IGDCC3: variants seen among roughly 807,000 people sequenced by gnomAD.
The protein encoded by IGDCC3 is immunoglobulin superfamily DCC subclass member 3, also known as putative neuronal cell adhesion molecule.
A neutral mutation model predicts 72.0 loss-of-function variants in IGDCC3; 47 were observed. That is an observed-to-expected ratio of 0.65 (90% CI 0.52 to 0.83). IGDCC3 has a LOEUF of 0.83. Ranked by LOEUF, IGDCC3 falls within the 40% of genes least tolerant of loss-of-function variation. The pLI is 0.00. For synonymous variants in IGDCC3, 477 were observed against 472.8 expected, an observed-to-expected ratio of 1.01 and a Z score of -0.11; for missense variants, 1,038 against 1,091.3, an observed-to-expected ratio of 0.95 and a Z score of 0.69.
intron 2 of IGDCC3, among the ~76,000 whole-genome samples, chr15:65,347,695 C>A (rs911839038): frequency 1.3e-5 from 2 of 152,176 alleles, no homozygotes; most frequent in Middle Eastern, 3.2e-3. Context: ...CTTTGGGAGG[C>A]CAAGACGGGT....
chr15:65,368,469 G>A (rs545308413), intron 2 of IGDCC3, among the ~76,000 whole-genome samples: 24 of 152,294 alleles, frequency 1.6e-4, no homozygotes, highest in African/African-American at 5.8e-4. Context: ...CTGTGACAGT[G>A]GAGCCAAGGT....
At chr15:65,368,362 C>CGGCCCACATTCCCAGCCAAGGCCAG in intron 2 of IGDCC3, among the ~76,000 whole-genome samples, 1 of 152,268 alleles carries the variant, frequency 6.6e-6, no homozygotes, top group East Asian at 1.9e-4. Flanking sequence ...TCCTATTCAC[C>CGGCCCACATTCCCAGCCAAGGCCAG]GGCCCACATT....
In IGDCC3 at chr15:65,335,379, A is replaced by G. The variant is rs925703436; in HGVS notation, c.597T>C (p.Leu199=). ...LPKGVLQITG[L]RAEDGGIFHC... is the part of the protein sequence containing the mutation. ...GGAAGATGCCACCGTCCTCAGCTCG[A>G]AGTCCTGTGATCTGCAGGACCCCCT... The change falls in exon 4 of 14, where the codon CTT becomes CTC. Residue 199 remains leucine (L), a synonymous_variant. Coordinates refer to ENST00000327987, the MANE Select transcript of IGDCC3 (RefSeq NM_004884.4). 8 of 1,613,660 alleles carry G rather than the reference A, an allele frequency of 5.0e-6. No homozygotes were observed. Among genetic ancestry groups the G allele is most frequent in the Non-Finnish European group, 5.9e-6 (7 of 1,179,852 alleles).
Position 65,375,297 on chromosome 15 carries a change from G to A in IGDCC3, c.209C>T (p.Pro70Leu), listed in dbSNP as rs1212501631. 1.1e-5 allele frequency: 17 copies of A among 1,614,034 alleles called. No homozygotes were observed. Among genetic ancestry groups the A allele is most frequent in the Non-Finnish European group, 1.4e-5 (17 of 1,180,048 alleles). ...VLDCRVEGTP[P>L]VRITWRKNGV... ...ATTCTTCCTCCAGGTGATTCGCACT[G>A]GAGGGGTCCCCTCCACCCTGCAGTC... The change falls in exon 2 of 14, where the codon CCA (proline) becomes CTA (leucine). Residue 70 changes from proline (P) to leucine (L), a missense_variant. Coordinates refer to ENST00000327987, the MANE Select transcript of IGDCC3 (RefSeq NM_004884.4).
At chr15:65,366,729 T>C (rs1319003799) in intron 2 of IGDCC3, among the ~76,000 whole-genome samples, 1 of 152,058 alleles carries the variant, frequency 6.6e-6, no homozygotes, top group African/African-American at 2.4e-5. Flanking sequence ...CCCCTGCATC[T>C]CCCTGCAGTC....
Position 65,333,378 on chromosome 15 carries a change from C to G in IGDCC3, c.861G>C (p.Leu287=), listed in dbSNP as rs2090996904. Residue 287 remains leucine (L), a synonymous_variant, in exon 6 of 14, where the codon CTG becomes CTC. Transcript: ENST00000327987. The part of the protein sequence containing the change: ...RPIGVEGIQV[L]GTGNLIISDV... The stretch of plus-strand genomic sequence containing the variant: ...CTGAGATGATGAGGTTTCCTGTGCC[C>G]AGCACCTGGATGCCCTCCACCCCGA... 2 of 1,610,448 alleles carry G rather than the reference C, an allele frequency of 1.2e-6. No homozygotes were observed. Among genetic ancestry groups the G allele is most frequent in the Non-Finnish European group, 1.7e-6 (2 of 1,178,310 alleles).
Position 65,375,112 on chromosome 15 carries a change from G to A in IGDCC3, c.394C>T (p.Arg132Cys), listed in dbSNP as rs751367900. 24 of 1,612,474 alleles carry A rather than the reference G, an allele frequency of 1.5e-5. No individual in the cohort carries two copies. Among genetic ancestry groups the A allele is most frequent in the Non-Finnish European group, 2.0e-5 (23 of 1,178,808 alleles). The change falls in exon 2 of 14, where the codon CGC becomes TGC. Residue 132 changes from arginine (R) to cysteine (C), a missense_variant. By Grantham distance (180) the Arg-to-Cys change is radical. Transcript: ENST00000327987. Reference protein sequence around the residue: ...RFGLVVSRKARIQAATMSDFH... With the variant: ...RFGLVVSRKACIQAATMSDFH... ...ATCCACTTACTTGCAGCTTGGATGC[G>A]AGCCTTCCGGCTGACCACCAGCCCA...
intron 2 of IGDCC3, among the ~76,000 whole-genome samples, chr15:65,343,157 A>G (rs192738820): frequency 6.6e-6 from 1 of 152,338 alleles, no homozygotes; most frequent in Admixed American, 6.5e-5. Context: ...TAAACTGCTT[A>G]GCGCAGGCCT....
chr15:65,342,588 C>A (rs947926005), intron 2 of IGDCC3, among the ~76,000 whole-genome samples: 3 of 152,108 alleles, frequency 2.0e-5, no homozygotes, highest in Admixed American at 2.0e-4. Context: ...GACTCCCCTT[C>A]CTCCTCTGCT....
Position 65,341,931 on chromosome 15 carries a change from G to A in IGDCC3, c.410-5975C>T, listed in dbSNP as rs139181874. Reference sequence around the variant, plus strand: ...TGGGGTTACAGGCACCTGCCACCACGCTTGGATAATTTTTTGTATTTTTAG... The same window carrying A: ...TGGGGTTACAGGCACCTGCCACCACACTTGGATAATTTTTTGTATTTTTAG... On this transcript the variant is annotated intron_variant, in intron 2 of 13. Transcript: ENST00000327987. Among the ~76,000 whole-genome samples, 287 of 152,194 alleles carry A rather than the reference G, an allele frequency of 1.9e-3. 2 individuals carry two copies. The highest frequency in any genetic ancestry group is 6.4e-3 in the African/African-American group (266 of 41,534).
Position 65,329,551 on chromosome 15 carries a change from C to A in IGDCC3, c.2044G>T (p.Gly682Cys), listed in dbSNP as rs781287060. ...CCAGGGTCCCTCTGGCTCCGGGGAC[C>A]CTGTGGAGGGGACAGCTGGTTTTCC... ...DVENQLSPPQ[G>C]PRSQRDPGIL... is the part of the protein sequence containing the mutation. Residue 682 changes from glycine to cysteine, a missense_variant, in exon 13 of 14, where the codon GGT (glycine) becomes TGT (cysteine). By Grantham distance (159) the Gly-to-Cys change is radical (BLOSUM62 -3). Transcript: ENST00000327987. This position sits in a 1 kb window ranked among gnomAD's most constrained non-coding sequence, Gnocchi z 4.1. The A allele has an allele frequency of 6.2e-7, 1 of 1,610,326 alleles. No homozygotes were observed. The highest frequency in any genetic ancestry group is 1.7e-5 in the Admixed American group (1 of 58,602).
At chr15:65,362,385 GCAT>G (rs1394884363) in intron 2 of IGDCC3, among the ~76,000 whole-genome samples, 1 of 152,064 alleles carries the variant, frequency 6.6e-6, no homozygotes, top group Non-Finnish European at 1.5e-5. Context: ...GCACAGGTAG[GCAT>G]CATGGTGTCA....
intron 2 of IGDCC3, 132 bp downstream of exon 2, chr15:65,374,965 C>T (rs1205886166): frequency 6.8e-6 from 5 of 730,244 alleles, no homozygotes; most frequent in African/African-American, 3.5e-5. Context: ...ACCTCAAAAC[C>T]GACCCATGCT....
rs552631320 is a variant in IGDCC3 at position 65,375,187 on chromosome 15, C to A, written c.319G>T (p.Gly107Cys). 1.2e-6 allele frequency: 2 copies of A among 1,614,240 alleles called. No homozygotes were observed. The highest frequency in any genetic ancestry group is 8.5e-7 in the Non-Finnish European group (1 of 1,180,052). ...MIRHFRLEPGGSPSDEGDYEC... is the reference protein window; with the variant it reads ...MIRHFRLEPGCSPSDEGDYEC... ...TAGTCACCTTCATCCGAAGGGCTGC[C>A]TCCCGGCTCCAGCCTGAAGTGACGG... The change falls in exon 2 of 14, where the codon GGC (glycine) becomes TGC (cysteine). Residue 107 changes from glycine (G) to cysteine (C), a missense_variant. Gly to Cys is a radical substitution (Grantham distance 159). Transcript: ENST00000327987.
intron 2 of IGDCC3, among the ~76,000 whole-genome samples, chr15:65,368,093 T>G (rs566747516): frequency 2.6e-5 from 4 of 152,028 alleles, no homozygotes; most frequent in Admixed American, 6.6e-5. Flanking sequence ...TTCTGTTGCA[T>G]TCTACGTTTA....
intron 2 of IGDCC3, among the ~76,000 whole-genome samples, chr15:65,368,231 A>G (rs1176543863): frequency 6.7e-6 from 1 of 150,276 alleles, no homozygotes; most frequent in Non-Finnish European, 1.5e-5. Flanking sequence ...AGAAGAGGGG[A>G]GAGGGAAAGG....
At position 65,362,139 on chromosome 15, in the gene IGDCC3, G is replaced by T. The variant is rs1413827628; in HGVS notation, c.409+12958C>A. 2.6e-5 allele frequency among the ~76,000 whole-genome samples: 4 copies of T among 151,932 alleles called. No individual in the cohort carries two copies. The East Asian group carries it at 7.7e-4, about 29-fold the overall frequency. The stretch of plus-strand genomic sequence containing the variant: ...GAGCTGGGGGGCCTGGAGGGAGGCA[G>T]AGGAGGAATTGGAGAGCCGTGTTCA... On this transcript the variant is annotated intron_variant, in intron 2 of 13. Coordinates refer to ENST00000327987, the MANE Select transcript of IGDCC3 (RefSeq NM_004884.4).
intron 2 of IGDCC3, among the ~76,000 whole-genome samples, chr15:65,366,360 TC>T (rs1226394544): frequency 6.6e-6 from 1 of 151,590 alleles, no homozygotes; most frequent in African/African-American, 2.4e-5. Flanking sequence ...CAGAGTGAGA[TC>T]CTATCTCTAA....
intron 2 of IGDCC3, among the ~76,000 whole-genome samples, chr15:65,344,498 C>A (rs965878131): frequency 6.6e-6 from 1 of 152,190 alleles, no homozygotes; most frequent in African/African-American, 2.4e-5. Context: ...CTCACAGCCA[C>A]CTCTGACAAA....
Sources: gnomAD v4.1 joint callset for allele counts (sites outside exome capture counted in the v4.1 genomes callset) on GRCh38, gnomAD v4.1.1 for gene constraint, Gnocchi (gnomAD v3.1) non-coding constraint, MANE v1.5 for transcripts, NCBI Gene and HGNC (gene_info 2026-07-23, HGNC 2026-07-21) for gene names.